GRIK2: variants seen among roughly 807,000 people sequenced by gnomAD.
The protein encoded by GRIK2 is glutamate ionotropic receptor kainate type subunit 2.
GRIK2 carries 32 observed loss-of-function variants against 100.3 expected under a neutral mutation model. The observed-to-expected ratio is 0.32, with a 90% CI of 0.24 to 0.43. The LOEUF (loss-of-function observed/expected upper bound fraction) is 0.43, where lower values mean the gene tolerates loss of function less well. Among genes scored for constraint, GRIK2 ranks in the 20% least tolerant of loss-of-function variants. The pLI, the probability that GRIK2 is intolerant of heterozygous loss-of-function variation, is 1.00. For synonymous variants in GRIK2, 417 were observed against 389.4 expected (o/e 1.07, Z -0.83); for missense variants, 843 against 1,114.9 (o/e 0.76, Z 3.47).
chr6:101,823,409 T>C (rs1782088735), intron 10 of GRIK2, among the ~76,000 whole-genome samples: 1 of 152,122 alleles, frequency 6.6e-6, no homozygotes, highest in Non-Finnish European at 1.5e-5. Flanking sequence ...GATTTATGGA[T>C]CGTCAACTAC....
chr6:101,787,446 C>T (rs895654380), intron 7 of GRIK2, among the ~76,000 whole-genome samples: 66 of 151,972 alleles, frequency 4.3e-4, no homozygotes, highest in African/African-American at 1.5e-3. Flanking sequence ...TTGCTATAAA[C>T]TTCCCTCTTA....
intron 2 of GRIK2, among the ~76,000 whole-genome samples, chr6:101,482,215 T>C (rs1464816779): frequency 6.6e-6 from 1 of 152,204 alleles, no homozygotes; most frequent in Non-Finnish European, 1.5e-5. Context: ...CTCACTTAGA[T>C]TCATTCCGGC....
At chr6:101,783,080 G>C (rs1020964108) in intron 7 of GRIK2, among the ~76,000 whole-genome samples, 4 of 151,860 alleles carry the variant, frequency 2.6e-5, no homozygotes, top group Admixed American at 6.6e-5. Flanking sequence ...GGATGGTCTC[G>C]ATCTCCTGAC....
chr6:101,643,949 G>A (rs1781401980), intron 4 of GRIK2, among the ~76,000 whole-genome samples: 1 of 151,676 alleles, frequency 6.6e-6, no homozygotes, highest in Admixed American at 6.6e-5. Flanking sequence ...TTCTATAGCA[G>A]TACATTTGCT....
At chr6:101,451,289 C>T (rs1487713394) in intron 2 of GRIK2, among the ~76,000 whole-genome samples, 4 of 151,660 alleles carry the variant, frequency 2.6e-5, no homozygotes, top group African/African-American at 9.7e-5. Flanking sequence ...AAATTAGTTT[C>T]TCTTCCCTAT....
chr6:101,574,601 T>G (rs995281261), intron 2 of GRIK2, among the ~76,000 whole-genome samples: 1 of 151,514 alleles, frequency 6.6e-6, no homozygotes, highest in Admixed American at 6.6e-5. Flanking sequence ...TTAATAATTC[T>G]CATCTCTGTG....
At chr6:101,770,868 G>A (rs574295124) in intron 7 of GRIK2, among the ~76,000 whole-genome samples, 1 of 152,148 alleles carries the variant, frequency 6.6e-6, no homozygotes, top group East Asian at 1.9e-4. Context: ...ATTCCATTTT[G>A]TGCCTTTACA....
At chr6:101,774,483 A>G (rs560642981) in intron 7 of GRIK2, among the ~76,000 whole-genome samples, 3 of 152,302 alleles carry the variant, frequency 2.0e-5, no homozygotes, top group East Asian at 1.9e-4. Context: ...AGGCCAGTGC[A>G]TTGTTGCTAG....
chr6:101,727,278 C>A (rs114941433), intron 7 of GRIK2, among the ~76,000 whole-genome samples: 166 of 152,076 alleles, frequency 1.1e-3, no homozygotes, highest in African/African-American at 1.3e-3. Context: ...AATAGGCAAC[C>A]CTTTGGAGAA....
intron 6 of GRIK2, among the ~76,000 whole-genome samples, chr6:101,685,724 T>C (rs1771629723): frequency 6.6e-6 from 1 of 152,076 alleles, no homozygotes; most frequent in Non-Finnish European, 1.5e-5. Context: ...TTTCATTAGT[T>C]AGAAGCTGTA....
Position 101,672,265 on chromosome 6 carries a change from G to A in GRIK2, c.542-4358G>A, listed in dbSNP as rs1263620860. ...TCATTTTTTAAAAAGTGCTTACTGA[G>A]ATTTGTTTGTTAGCAACCCTTGACA... On this transcript the variant is annotated intron_variant, in intron 4 of 16. Coordinates refer to ENST00000369134, the MANE Select transcript of GRIK2 (RefSeq NM_021956.5). Among the ~76,000 whole-genome samples, 4 of 152,248 alleles carry A rather than the reference G, an allele frequency of 2.6e-5. No homozygotes were observed. The South Asian group carries it at 6.2e-4, about 24-fold the overall frequency.
intron 7 of GRIK2, among the ~76,000 whole-genome samples, chr6:101,695,257 C>T (rs192748760): frequency 1.5e-3 from 228 of 152,130 alleles, no homozygotes; most frequent in African/African-American, 5.3e-3. Flanking sequence ...AACACTGTGT[C>T]CTCACATGGT....
chr6:101,997,355 G>A (rs1182569388), intron 14 of GRIK2, among the ~76,000 whole-genome samples: 1 of 152,004 alleles, frequency 6.6e-6, no homozygotes, highest in Non-Finnish European at 1.5e-5. Flanking sequence ...GTACATTAGT[G>A]TATGTCCTTT....
At chr6:102,025,985 C>A (rs1161495297) in intron 14 of GRIK2, among the ~76,000 whole-genome samples, 1 of 150,496 alleles carries the variant, frequency 6.6e-6, no homozygotes, top group African/African-American at 2.4e-5. Context: ...TCAGCAAAAG[C>A]TCAGGGTGCT....
intron 4 of GRIK2, among the ~76,000 whole-genome samples, chr6:101,654,582 C>G (rs1248841710): frequency 6.6e-6 from 1 of 152,142 alleles, no homozygotes; most frequent in Non-Finnish European, 1.5e-5. Context: ...CAGCACCAGT[C>G]TGTAATAAGG....
At chr6:101,512,514 C>T (rs1582615866) in intron 2 of GRIK2, among the ~76,000 whole-genome samples, 1 of 151,960 alleles carries the variant, frequency 6.6e-6, no homozygotes, top group African/African-American at 2.4e-5. Flanking sequence ...TGATGCATTT[C>T]CATCTCACTT....
intron 2 of GRIK2, among the ~76,000 whole-genome samples, chr6:101,582,315 A>G (rs1180898598): frequency 6.6e-6 from 1 of 152,080 alleles, no homozygotes; most frequent in African/African-American, 2.4e-5. Flanking sequence ...GAGTGAGAAC[A>G]TGTGGTGTTT....
At chr6:101,642,961 A>G (rs1355587871) in intron 4 of GRIK2, among the ~76,000 whole-genome samples, 1 of 151,702 alleles carries the variant, frequency 6.6e-6, no homozygotes, top group Non-Finnish European at 1.5e-5. Context: ...TTTGATTTGC[A>G]TTTCCCTCAT....
chr6:101,686,817 A>G (rs1240080431), intron 7 of GRIK2, among the ~76,000 whole-genome samples: 1 of 152,150 alleles, frequency 6.6e-6, no homozygotes, highest in African/African-American at 2.4e-5. Context: ...GCTGAAGACT[A>G]ATCAATAATC....
Sources: gnomAD v4.1 joint callset for allele counts (sites outside exome capture counted in the v4.1 genomes callset) on GRCh38, gnomAD v4.1.1 for gene constraint, MANE v1.5 for transcripts, NCBI Gene and HGNC (gene_info 2026-07-23, HGNC 2026-07-21) for gene names.